The following NXPE2 variants were observed in gnomAD, a reference collection of about 807,000 sequenced individuals.
NXPE2 encodes neurexophilin and PC-esterase domain family member 2, also known as NXPE family member 2.
NXPE2 carries 34 observed loss-of-function variants against 34.4 expected under a neutral mutation model. That is an observed-to-expected ratio of 0.99 (90% CI 0.75 to 1.31). NXPE2 has a LOEUF of 1.31. Among genes scored for constraint, NXPE2 ranks in the 40% most tolerant of loss-of-function variants. The probability of loss-of-function intolerance (pLI) is 0.00; values close to 1 mark genes in which losing one functional copy is unlikely to be tolerated. For missense variants in NXPE2, 649 were observed against 672.5 expected, an observed-to-expected ratio of 0.97 and a Z score of 0.39; for synonymous variants, 235 against 231.3, an observed-to-expected ratio of 1.02 and a Z score of -0.15.
chr11:114,577,146 TAA>T, the NXPE2 span, among the ~76,000 whole-genome samples: 1 of 137,226 alleles, frequency 7.3e-6, no homozygotes, highest in Non-Finnish European at 1.5e-5. Context: ...TATAATGTCA[TAA>T]ATATATATGT....
chr11:114,520,617 T>C, the NXPE2 span, among the ~76,000 whole-genome samples: 1 of 152,188 alleles, frequency 6.6e-6, no homozygotes, highest in African/African-American at 2.4e-5. Context: ...TTCATTTCCT[T>C]TGGGATACTC....
the NXPE2 span, among the ~76,000 whole-genome samples, chr11:114,493,560 A>C: frequency 6.6e-6 from 1 of 152,212 alleles, no homozygotes; most frequent in South Asian, 2.1e-4. Flanking sequence ...ATGACAACTT[A>C]ACACTGATTG....
chr11:114,558,946 T>C, the NXPE2 span, among the ~76,000 whole-genome samples: 1 of 152,194 alleles, frequency 6.6e-6, no homozygotes, highest in South Asian at 2.1e-4. Flanking sequence ...TATGTATTAC[T>C]ATGAAATGGT....
chr11:114,594,626 T>C, the NXPE2 span: 1 of 1,345,472 alleles, frequency 7.4e-7, no homozygotes. Flanking sequence ...TAAGCAAAAA[T>C]AAGCTTCTGT....
downstream of NXPE2, among the ~76,000 whole-genome samples, chr11:114,710,928 A>G (rs545564796): frequency 6.6e-6 from 1 of 152,326 alleles, no homozygotes; most frequent in East Asian, 1.9e-4. Flanking sequence ...GAATACAAGG[A>G]TGGCTCAACA....
chr11:114,524,302 G>A, the NXPE2 span, among the ~76,000 whole-genome samples: 8 of 152,310 alleles, frequency 5.3e-5, no homozygotes, highest in South Asian at 1.5e-3. Context: ...GAAGGAGAAG[G>A]CAGTGAGTAT....
Position 114,679,702 on chromosome 11 carries a change from G to A in NXPE2, c.72G>A (p.Leu24=). Reference sequence around the variant, plus strand: ...ATGCCATAGCTCGAAAATTACTGCTGATGTTGACATTTATCTTAATTTTCT... The same window carrying A: ...ATGCCATAGCTCGAAAATTACTGCTAATGTTGACATTTATCTTAATTTTCT... ...FPNAIARKLL[L]MLTFILIFWI... is the part of the protein sequence containing the mutation. Residue 24 remains leucine, a synonymous_variant, in exon 2 of 6, where the codon CTG becomes CTA. Transcript: ENST00000389586. 1 of 1,550,242 alleles carries A rather than the reference G, an allele frequency of 6.5e-7. No individual in the cohort carries two copies. The highest frequency in any genetic ancestry group is 8.7e-7 in the Non-Finnish European group (1 of 1,145,974).
the NXPE2 span, chr11:114,595,818 G>A: frequency 6.6e-6 from 1 of 152,270 alleles, no homozygotes; most frequent in South Asian, 2.1e-4. Context: ...TTAAGGAGGG[G>A]CCTGGATCAC....
the NXPE2 span, among the ~76,000 whole-genome samples, chr11:114,588,697 T>C: frequency 1.3e-5 from 2 of 152,102 alleles, no homozygotes; most frequent in Non-Finnish European, 2.9e-5. Context: ...GGGGGGCCTA[T>C]GAAGAACTAA....
At chr11:114,583,520 C>T in the NXPE2 span, 17 of 612,236 alleles carry the variant, frequency 2.8e-5, no homozygotes, top group African/African-American at 9.2e-5. Context: ...GCACAGCAAG[C>T]GGATGCAGAG....
intron 2 of NXPE2, among the ~76,000 whole-genome samples, 176 bp from the exon 3 acceptor site, chr11:114,697,869 A>G (rs1951288421): frequency 6.6e-6 from 1 of 152,216 alleles, no homozygotes; most frequent in African/African-American, 2.4e-5. Flanking sequence ...CAGCAGAGGA[A>G]GTCATACTAC....
At chr11:114,477,575 T>C in the NXPE2 span, among the ~76,000 whole-genome samples, 6 of 152,142 alleles carry the variant, frequency 3.9e-5, no homozygotes, top group African/African-American at 1.4e-4. Flanking sequence ...ACCTGAAATT[T>C]TGGAGTTCTG....
the NXPE2 span, among the ~76,000 whole-genome samples, chr11:114,712,687 C>A: frequency 2.6e-5 from 4 of 152,140 alleles, no homozygotes; most frequent in South Asian, 4.1e-4. Flanking sequence ...AATAGTGCAA[C>A]CATACATACC....
chr11:114,530,233 T>A, the NXPE2 span: 1 of 1,614,000 alleles, frequency 6.2e-7, no homozygotes, highest in Non-Finnish European at 8.5e-7. Flanking sequence ...TTCCGGGTGG[T>A]CATGTAGGTC....
At chr11:114,603,633 T>A in the NXPE2 span, among the ~76,000 whole-genome samples, 1 of 151,452 alleles carries the variant, frequency 6.6e-6, no homozygotes. Context: ...CCTAGGTAAC[T>A]CCTATTACCT....
upstream of NXPE2, among the ~76,000 whole-genome samples, chr11:114,674,638 C>A (rs1239150234): frequency 6.6e-6 from 1 of 151,382 alleles, no homozygotes; most frequent in African/African-American, 2.4e-5. Flanking sequence ...AAAGTAACTA[C>A]AAAGCAGTTA....
chr11:114,703,388 T>C (rs761215375), intron 3 of NXPE2, among the ~76,000 whole-genome samples: 3 of 152,228 alleles, frequency 2.0e-5, no homozygotes, highest in Non-Finnish European at 1.5e-5. Context: ...CCGTAGACCA[T>C]TGGCTTTGGG....
At chr11:114,667,866 C>A in the NXPE2 span, among the ~76,000 whole-genome samples, 1 of 152,154 alleles carries the variant, frequency 6.6e-6, no homozygotes, top group African/African-American at 2.4e-5. Flanking sequence ...AAATAAGCCA[C>A]TCCTAAGTTC....
At chr11:114,486,462 T>C in the NXPE2 span, among the ~76,000 whole-genome samples, 1 of 152,184 alleles carries the variant, frequency 6.6e-6, no homozygotes, top group South Asian at 2.1e-4. Flanking sequence ...CTCTTCACTT[T>C]GTGGATTGTT....
Sources: allele counts gnomAD v4.1 joint callset (sites outside exome capture counted in the v4.1 genomes callset), GRCh38; gene constraint gnomAD v4.1.1; transcripts MANE v1.5; gene names NCBI Gene and HGNC (gene_info 2026-07-23, HGNC 2026-07-21).